The following GAS2L2 variants were observed in gnomAD, a reference collection of about 807,000 sequenced individuals.
GAS2L2 encodes GAS2-like protein 2.
GAS2L2 carries 21 observed loss-of-function variants against 35.2 expected under a neutral mutation model. The observed-to-expected ratio is 0.60, with a 90% confidence interval of 0.42 to 0.86. The LOEUF is 0.86. GAS2L2 is among the 40% of genes least tolerant of loss of function. The probability of loss-of-function intolerance (pLI) is 0.00; values close to 1 mark genes in which losing one functional copy is unlikely to be tolerated. For synonymous variants in GAS2L2, 490 were observed against 473.2 expected, an observed-to-expected ratio of 1.04 and a Z score of -0.46; for missense variants, 1,169 against 1,144.4, an observed-to-expected ratio of 1.02 and a Z score of -0.31.
In GAS2L2 at chr17:35,750,057, G is replaced by A. The variant is rs1362536261; in HGVS notation, c.627+20C>T. The A allele has an allele frequency of 1.2e-6, 2 of 1,601,030 alleles. No homozygotes were observed. Among genetic ancestry groups the A allele is most frequent in the Non-Finnish European group, 8.5e-7 (1 of 1,175,082 alleles). ...GGACAAAGGGAAGGGGGCCCTGAGG[G>A]CGTGTGCAGAGCCCCTCACCATCTG... On this transcript the variant is annotated intron_variant, in intron 2 of 5. Transcript: ENST00000604641.
intron 4 of GAS2L2, among the ~76,000 whole-genome samples, chr17:35,747,473 G>A (rs1230056872): frequency 1.3e-5 from 2 of 152,142 alleles, no homozygotes; most frequent in African/African-American, 4.8e-5. Flanking sequence ...TTTTAGTGCG[G>A]GTACACAACT....
Position 35,747,139 on chromosome 17 carries a change from A to G in GAS2L2, c.962T>C (p.Val321Ala), listed in dbSNP as rs782625238. 56 of 1,613,920 alleles carry G rather than the reference A, an allele frequency of 3.5e-5. 1 individual carries two copies. In the East Asian group the frequency reaches 1.2e-3, roughly 35 times the overall value. Residue 321 changes from valine to alanine, a missense_variant, in exon 5 of 6, where the codon GTG (valine) becomes GCG (alanine). By Grantham distance (64) the Val-to-Ala change is moderately conservative. Transcript: ENST00000604641. ...TGAAGAGGTATATGTCTTCCAGTCC[A>G]CAGGGGGTGGTGGGCTCTGTGAGCG... Reference protein sequence around the residue: ...ISRSQSPPPPVDWKTYTSSDR... With the variant: ...ISRSQSPPPPADWKTYTSSDR...
chr17:35,746,337 G>A lies in GAS2L2; in HGVS notation c.1160C>T (p.Ser387Leu), dbSNP rs782334491. ...TGGGTCTCGGCCTTTTTGGGTAGATGAGGACTGGGGGCTGGGTGGGCTGTC... is the reference window on the plus strand; with the variant it reads ...TGGGTCTCGGCCTTTTTGGGTAGATAAGGACTGGGGGCTGGGTGGGCTGTC... The part of the protein sequence containing the change: ...AGDSPPSPQS[S>L]STQKGRDPQC... Residue 387 changes from serine to leucine, a missense_variant, in exon 6 of 6, where the codon TCA becomes TTA. Ser to Leu is a moderately radical substitution (Grantham distance 145). This residue lies in a region of GAS2L2 where 1,035 missense variants were observed against 976.5 expected (regional missense o/e 1.06). Transcript: ENST00000604641. The A allele has an allele frequency of 1.4e-6, 2 of 1,384,084 alleles. No individual in the cohort carries two copies. Among genetic ancestry groups the A allele is most frequent in the East Asian group, 2.5e-5 (1 of 40,148 alleles). The allele number at this position is 1,384,084 out of a possible 1,614,324, so 85.7% of individuals were successfully genotyped here.
chr17:35,744,814 A>G lies in GAS2L2; in HGVS notation c.*40T>C, dbSNP rs1285725454. On this transcript the variant is annotated 3_prime_UTR_variant, in exon 6 of 6. Transcript: ENST00000604641. ...CTGTGAATCCAGTGTATACATGGCC[A>G]TCCTTTTTGCTTCCCTCCTACCCAA... 3.4e-6 allele frequency: 5 copies of G among 1,450,758 alleles called. No individual in the cohort carries two copies. Among genetic ancestry groups the G allele is most frequent in the South Asian group, 1.3e-5 (1 of 76,686 alleles). 89.9% of individuals were successfully genotyped at this position (1,450,758 alleles called of 1,614,324 possible).
Position 35,745,700 on chromosome 17 carries a change from G to A in GAS2L2, c.1797C>T (p.Ala599=). The stretch of plus-strand genomic sequence containing the variant: ...TCTCCTCTTCAAGGCTACAGTAGAT[G>A]GCTTGCTCCTTGTTCCCGCCCAAGG... ...PLPLGGNKEQ[A]IYCSLEEEIL... is the part of the protein sequence containing the mutation. Residue 599 remains alanine (A), a synonymous_variant, in exon 6 of 6, where the codon GCC becomes GCT. Transcript: ENST00000604641. The A allele has an allele frequency of 4.3e-6, 7 of 1,613,980 alleles. No homozygotes were observed. The highest frequency in any genetic ancestry group is 2.2e-5 in the East Asian group (1 of 44,870).
chr17:35,752,892 C>G lies in GAS2L2; in HGVS notation c.-42G>C. The G allele has an allele frequency of 6.5e-7, 1 of 1,533,350 alleles. No homozygotes were observed. The highest frequency in any genetic ancestry group is 1.9e-5 in the Admixed American group (1 of 52,604). 95.0% of individuals were successfully genotyped at this position (1,533,350 alleles called of 1,614,324 possible). ...GGCAGGAGGTGGGCACCTCCCCTCTCCCACTGCCGCCTCTTTCCTCCCGCT... is the reference window on the plus strand; with the variant it reads ...GGCAGGAGGTGGGCACCTCCCCTCTGCCACTGCCGCCTCTTTCCTCCCGCT... On this transcript the variant is annotated 5_prime_UTR_variant, in exon 1 of 6. Transcript: ENST00000604641.
In GAS2L2 at chr17:35,744,932, G is replaced by A. The variant is rs1157480627; in HGVS notation, c.2565C>T (p.Ser855=). 3 of 1,613,702 alleles carry A rather than the reference G, an allele frequency of 1.9e-6. No individual in the cohort carries two copies. The highest frequency in any genetic ancestry group is 1.7e-5 in the Admixed American group (1 of 59,936). The change falls in exon 6 of 6, where the codon AGC becomes AGT. Residue 855 remains serine, a synonymous_variant. Transcript: ENST00000604641. ...EKEPAAPLES[S]PQPPEGLQPH... is the part of the protein sequence containing the mutation. ...GTTGCAGGCCCTCTGGAGGTTGGGGGCTGCTCTCCAATGGAGCGGCTGGCT... is the reference window on the plus strand; with the variant it reads ...GTTGCAGGCCCTCTGGAGGTTGGGGACTGCTCTCCAATGGAGCGGCTGGCT...
rs2085678951 is a variant in GAS2L2, at chr17:35,747,869, G to T, written c.812C>A (p.Pro271His). Residue 271 changes from proline (P) to histidine (H), a missense_variant, in exon 4 of 6, where the codon CCC (proline) becomes CAC (histidine). Physicochemically the swap from Pro to His is moderately conservative, Grantham distance 77 (BLOSUM62 -2). Transcript: ENST00000604641. ...TLGHYLDKHDPCRCTSLSHKP... is the reference protein window; with the variant it reads ...TLGHYLDKHDHCRCTSLSHKP... ...CTCACAGAGGGATGTGCAGCGGCAG[G>T]GGTCATGTTTGTCCAGGTAATGGCC... is the stretch of plus-strand genomic sequence containing the variant. The T allele has an allele frequency of 6.2e-7, 1 of 1,613,802 alleles. No individual in the cohort carries two copies.
At chr17:35,751,144 GATGAAGGATCCT>G (rs2085700916) in intron 1 of GAS2L2, among the ~76,000 whole-genome samples, 4 of 152,046 alleles carry the variant, frequency 2.6e-5, no homozygotes, top group African/African-American at 9.7e-5. Flanking sequence ...AGGCCAATGA[GATGAAGGATCCT>G]GACATGTCAC....
In GAS2L2 at chr17:35,745,877, G is replaced by C; in HGVS notation, c.1620C>G (p.Ala540=). The change falls in exon 6 of 6, where the codon GCC becomes GCG. Residue 540 remains alanine (A), a synonymous_variant. Coordinates refer to ENST00000604641, the MANE Select transcript of GAS2L2 (RefSeq NM_139285.4). ...ELGRDPIPLR[A]VTVDLAGSTH... is the part of the protein sequence containing the mutation. ...TGGACCCAGCCAGGTCCACAGTGAC[G>C]GCCCTTAGTGGGATGGGGTCTCTCC... 1.2e-6 allele frequency: 2 copies of C among 1,613,628 alleles called. No homozygotes were observed. Among genetic ancestry groups the C allele is most frequent in the Non-Finnish European group, 1.7e-6 (2 of 1,180,012 alleles).
Position 35,749,183 on chromosome 17 carries a change from A to C in GAS2L2, c.662T>G (p.Val221Gly). ...QSLVSHCTCP[V>G]QFSMVKVSEG... ...AGACACTTTGACCATGGAGAACTGC[A>C]CTGGGCACGTGCAGTGGCTCACAAG... The change falls in exon 3 of 6, where the codon GTG becomes GGG. Residue 221 changes from valine to glycine, a missense_variant. Val to Gly is a moderately radical substitution (Grantham distance 109). Transcript: ENST00000604641. The C allele has an allele frequency of 1.2e-6, 2 of 1,613,924 alleles. No homozygotes were observed. The highest frequency in any genetic ancestry group is 1.7e-6 in the Non-Finnish European group (2 of 1,179,912).
intron 2 of GAS2L2, 132 bp from the exon 3 acceptor site, chr17:35,749,349 G>C: frequency 3.2e-6 from 2 of 619,700 alleles, no homozygotes; most frequent in Non-Finnish European, 5.7e-6. Context: ...CAAGGAGGGA[G>C]TAGATAAGGC....
intron 1 of GAS2L2, among the ~76,000 whole-genome samples, chr17:35,751,646 TG>T (rs1365812285): frequency 2.7e-5 from 4 of 149,652 alleles, no homozygotes; most frequent in Admixed American, 1.3e-4. Context: ...CCAGCCTGGG[TG>T]ACAGATCTAG....
rs970752574 is a variant in GAS2L2 at position 35,746,324 on chromosome 17, T to C, written c.1173A>G (p.Lys391=). The change falls in exon 6 of 6, where the codon AAA becomes AAG. Residue 391 remains lysine, a synonymous_variant. Transcript: ENST00000604641. ...ACGAGGTACACTGTGGGTCTCGGCCTTTTTGGGTAGATGAGGACTGGGGGC... is the reference window on the plus strand; with the variant it reads ...ACGAGGTACACTGTGGGTCTCGGCCCTTTTGGGTAGATGAGGACTGGGGGC... The part of the protein sequence containing the change: ...PPSPQSSSTQ[K]GRDPQCTSSG... The C allele has an allele frequency of 7.2e-6, 10 of 1,394,658 alleles. No homozygotes were observed. Among genetic ancestry groups the C allele is most frequent in the Non-Finnish European group, 9.4e-6 (10 of 1,068,974 alleles). 86.4% of individuals were successfully genotyped at this position (1,394,658 alleles called of 1,614,324 possible). A position where few individuals can be genotyped will look rare whatever the true frequency, so the allele number is the denominator to read the frequency against.
At chr17:35,748,039 C>G (rs1264781277) in intron 3 of GAS2L2, 94 bp from the exon 4 acceptor site, 7 of 852,674 alleles carry the variant, frequency 8.2e-6, no homozygotes, top group African/African-American at 5.0e-5. Flanking sequence ...CAGGGATGCT[C>G]TCATCCATGT....
In GAS2L2 at chr17:35,746,975, T is replaced by C. The variant is rs587639346; in HGVS notation, c.1085+41A>G. ...TGTGGTGACCTCTGAGAATGTGCACTCCAAAGGAAAAAGAGCCCCATCCCT... is the reference window on the plus strand; with the variant it reads ...TGTGGTGACCTCTGAGAATGTGCACCCCAAAGGAAAAAGAGCCCCATCCCT... On this transcript the variant is annotated intron_variant, in intron 5 of 5. Transcript: ENST00000604641. The C allele has an allele frequency of 2.6e-6, 4 of 1,510,072 alleles. No homozygotes were observed. The East Asian group carries it at 6.8e-5, about 26-fold the overall frequency. 93.5% of individuals were successfully genotyped at this position (1,510,072 alleles called of 1,614,324 possible).
chr17:35,747,340 C>A, intron 4 of GAS2L2, 72 bp from the exon 5 acceptor site: 1 of 1,473,410 alleles, frequency 6.8e-7, no homozygotes, highest in Non-Finnish European at 9.1e-7. Context: ...CATTGTTCCT[C>A]CCCCAGTGGT....
chr17:35,745,851 G>A lies in GAS2L2; in HGVS notation c.1646C>T (p.Thr549Met), dbSNP rs199809536. The change falls in exon 6 of 6, where the codon ACG becomes ATG. Residue 549 changes from threonine (T) to methionine (M), a missense_variant. Around this residue, in one of 3 missense-constraint regions of GAS2L2, gnomAD observed 1,035 missense variants for 976.5 expected, o/e 1.06. Transcript: ENST00000604641. ...RAVTVDLAGS[T>M]HGDCSVEVRQ... ...CACTTCCACAGAGCAGTCCCCATGC[G>A]TGGACCCAGCCAGGTCCACAGTGAC... The A allele has an allele frequency of 4.3e-5, 70 of 1,613,808 alleles. No homozygotes were observed. Among genetic ancestry groups the A allele is most frequent in the Admixed American group, 3.8e-4 (23 of 60,026 alleles).
rs1555599618 is a variant in GAS2L2 at position 35,750,304 on chromosome 17, C to G, written c.400G>C (p.Glu134Gln). 1 of 1,613,912 alleles carries G rather than the reference C, an allele frequency of 6.2e-7. No homozygotes were observed. The highest frequency in any genetic ancestry group is 8.5e-7 in the Non-Finnish European group (1 of 1,179,942). The change falls in exon 2 of 6, where the codon GAG becomes CAG. Residue 134 changes from glutamate (E) to glutamine (Q), a missense_variant. Around this residue, in one of 3 missense-constraint regions of GAS2L2, gnomAD observed 1,035 missense variants for 976.5 expected, o/e 1.06. Coordinates refer to ENST00000604641, the MANE Select transcript of GAS2L2 (RefSeq NM_139285.4). ...TTGCGCAGCACCAAGTCCTCCGTCTCGAACATCAGCACCTCTGGAGTGGAG... is the reference window on the plus strand; with the variant it reads ...TTGCGCAGCACCAAGTCCTCCGTCTGGAACATCAGCACCTCTGGAGTGGAG... ...EMGIQEVLMF[E>Q]TEDLVLRKNV... is the part of the protein sequence containing the mutation.
Sources: allele counts gnomAD v4.1 joint callset (sites outside exome capture counted in the v4.1 genomes callset), GRCh38; gene constraint gnomAD v4.1.1; regional missense constraint gnomAD v4.1.1; transcripts MANE v1.5; gene names NCBI Gene and HGNC (gene_info 2026-07-23, HGNC 2026-07-21).